The following ADGRV1 variants were observed in gnomAD, a reference collection of about 807,000 sequenced individuals.
The protein encoded by ADGRV1 is G-protein coupled receptor 98.
ADGRV1 carries 359 observed loss-of-function variants against 596.2 expected under a neutral mutation model. The ratio of observed to expected loss-of-function variants is 0.60; its 90% CI spans 0.55 to 0.66. The LOEUF is 0.66. ADGRV1 is among the 30% of genes least tolerant of loss of function. The pLI is 0.00. For missense variants in ADGRV1, 7,274 were observed against 7,575.6 expected, an observed-to-expected ratio of 0.96 and a Z score of 1.48; for synonymous variants, 2,681 against 2,679.2, an observed-to-expected ratio of 1.00 and a Z score of -0.02.
intron 1 of ADGRV1, among the ~76,000 whole-genome samples, chr5:90,598,081 C>T (rs952787288): frequency 1.3e-5 from 2 of 151,986 alleles, no homozygotes; most frequent in African/African-American, 2.4e-5. Context: ...GTGTGGAGGG[C>T]GTAGTTGGGA....
At chr5:90,807,848 A>G in intron 73 of ADGRV1, 111 bp downstream of exon 73, 1 of 1,006,108 alleles carries the variant, frequency 9.9e-7, no homozygotes. Flanking sequence ...AAACACAAAC[A>G]TAGTTTTAGT....
At chr5:90,853,024 C>G (rs1178116418) in intron 79 of ADGRV1, among the ~76,000 whole-genome samples, 1 of 152,084 alleles carries the variant, frequency 6.6e-6, no homozygotes, top group Non-Finnish European at 1.5e-5. Context: ...ATCTTGATAT[C>G]CATAAAACAG....
rs1458313406 is a variant in ADGRV1, at chr5:90,629,430, T to C, written c.1730T>C (p.Ile577Thr). The change falls in exon 9 of 90, where the codon ATA (isoleucine) becomes ACA (threonine). Residue 577 changes from isoleucine to threonine, a missense_variant. Physicochemically the swap from Ile to Thr is moderately conservative, Grantham distance 89 (BLOSUM62 -1). This residue lies in a region of ADGRV1 where 1,715 missense variants were observed against 1,708.8 expected (regional missense o/e 1.00). Coordinates refer to ENST00000405460, the MANE Select transcript of ADGRV1 (RefSeq NM_032119.4). ...PLQAKEGILNISRRNDLIFPE... is the reference protein window; with the variant it reads ...PLQAKEGILNTSRRNDLIFPE... ...CAAGCAAAAGAAGGCATCTTAAATA[T>C]ATCAAGGAGAAATGACCTCATTTTT... is the stretch of plus-strand genomic sequence containing the variant. 1.9e-6 allele frequency: 3 copies of C among 1,613,718 alleles called. No individual in the cohort carries two copies. The Admixed American group carries it at 5.0e-5, about 27-fold the overall frequency.
chr5:91,078,281 C>T lies in ADGRV1; in HGVS notation c.18310+5677C>T, dbSNP rs115964966. Among the ~76,000 whole-genome samples the T allele has an allele frequency of 3.9e-5, 6 of 152,050 alleles. No homozygotes were observed. In the East Asian group the frequency reaches 1.2e-3, roughly 29 times the overall value. On this transcript the variant is annotated intron_variant, in intron 86 of 89. Coordinates refer to ENST00000405460, the MANE Select transcript of ADGRV1 (RefSeq NM_032119.4). ...TCCCTTACATCCTAAAGTTGAGTGCCTTTTTTACTCTTGTCGTTTTTAAAA... is the reference window on the plus strand; with the variant it reads ...TCCCTTACATCCTAAAGTTGAGTGCTTTTTTTACTCTTGTCGTTTTTAAAA...
chr5:90,673,341 G>T (rs1772748806), intron 22 of ADGRV1, among the ~76,000 whole-genome samples: 1 of 152,072 alleles, frequency 6.6e-6, no homozygotes, highest in Non-Finnish European at 1.5e-5. Flanking sequence ...TCTACCTGTT[G>T]TTGGTAATAC....
chr5:90,564,533 TTTGA>T (rs1316405256), intron 1 of ADGRV1, among the ~76,000 whole-genome samples: 1 of 152,130 alleles, frequency 6.6e-6, no homozygotes, highest in Non-Finnish European at 1.5e-5. Context: ...AGTGCAGAGG[TTTGA>T]TTGTTTTTTA....
At chr5:91,030,935 C>T in intron 85 of ADGRV1, 1 of 805,750 alleles carries the variant, frequency 1.2e-6, no homozygotes, top group Non-Finnish European at 1.9e-6. Context: ...GATCAGAGTC[C>T]ATATAGTACT....
intron 83 of ADGRV1, among the ~76,000 whole-genome samples, chr5:90,952,918 A>C (rs892015043): frequency 3.3e-5 from 5 of 152,020 alleles, no homozygotes; most frequent in Admixed American, 1.3e-4. Context: ...TTTGTCACCT[A>C]TTTTGTCAGT....
At chr5:90,783,100 A>G (rs1296935321) in intron 65 of ADGRV1, 24 bp from the exon 66 acceptor site, 9 of 1,602,584 alleles carry the variant, frequency 5.6e-6, no homozygotes, top group African/African-American at 1.3e-5. Context: ...TGGCTTACCA[A>G]TTAATTCCAA....
intron 1 of ADGRV1, among the ~76,000 whole-genome samples, chr5:90,588,552 T>C (rs1376507857): frequency 6.6e-6 from 1 of 152,162 alleles, no homozygotes; most frequent in Non-Finnish European, 1.5e-5. Context: ...TGAGAAGTGA[T>C]ACGTCCCATG....
chr5:90,768,655 G>A (rs1757388076), intron 59 of ADGRV1, among the ~76,000 whole-genome samples: 1 of 152,080 alleles, frequency 6.6e-6, no homozygotes, highest in Admixed American at 6.6e-5. Flanking sequence ...GTCCTACCTT[G>A]GTAACAGGGC....
intron 82 of ADGRV1, among the ~76,000 whole-genome samples, chr5:90,862,358 A>ACT (rs1767683634): frequency 2.2e-4 from 1 of 4,634 alleles, no homozygotes; most frequent in Non-Finnish European, 7.9e-3. Flanking sequence ...TATATTACTC[A>ACT]CACACACACA....
Position 90,841,035 on chromosome 5 carries a change from T to A in ADGRV1, c.17019+50T>A, listed in dbSNP as rs767817696. 38 of 1,367,466 alleles carry A rather than the reference T, an allele frequency of 2.8e-5. No individual in the cohort carries two copies. In the African/African-American group the frequency reaches 4.9e-4, roughly 18 times the overall value. 84.7% of individuals were successfully genotyped at this position (1,367,466 alleles called of 1,614,324 possible). A position where few individuals can be genotyped will look rare whatever the true frequency, so the allele number is the denominator to read the frequency against. On this transcript the variant is annotated intron_variant, in intron 78 of 89. Coordinates refer to ENST00000405460, the MANE Select transcript of ADGRV1 (RefSeq NM_032119.4). The stretch of plus-strand genomic sequence containing the variant: ...TTTGTTTAGTGAAATTTTGTAAATT[T>A]AAAAACCCAAGTAAAACCAAAATCA...
chr5:90,824,801 C>T (rs551043875), intron 76 of ADGRV1, among the ~76,000 whole-genome samples: 2 of 152,160 alleles, frequency 1.3e-5, no homozygotes, highest in African/African-American at 2.4e-5. Flanking sequence ...TATGTCCTTT[C>T]ATTTAAAGTT....
rs566511004 is a variant in ADGRV1, at chr5:90,693,060, A to G, written c.7133+274A>G. On this transcript the variant is annotated intron_variant, in intron 32 of 89. Coordinates refer to ENST00000405460, the MANE Select transcript of ADGRV1 (RefSeq NM_032119.4). ...ATTGCTCTAATCTGTAATTTGTTACAATTAGTACTTAAATATAACTGGCTT... is the reference window on the plus strand; with the variant it reads ...ATTGCTCTAATCTGTAATTTGTTACGATTAGTACTTAAATATAACTGGCTT... Among the ~76,000 whole-genome samples, 7 of 152,288 alleles carry G rather than the reference A, an allele frequency of 4.6e-5. No homozygotes were observed. The South Asian group carries it at 1.0e-3, about 23-fold the overall frequency.
intron 83 of ADGRV1, among the ~76,000 whole-genome samples, chr5:90,926,879 A>T (rs2150772924): frequency 6.6e-6 from 1 of 151,928 alleles, no homozygotes; most frequent in South Asian, 2.1e-4. Context: ...TTCTTCCTTC[A>T]TTTCGTTATG....
chr5:90,935,061 A>G (rs1450634955), intron 83 of ADGRV1, among the ~76,000 whole-genome samples: 1 of 152,202 alleles, frequency 6.6e-6, no homozygotes, highest in African/African-American at 2.4e-5. Context: ...AATGACACAA[A>G]TGTTCAATCC....
intron 84 of ADGRV1, among the ~76,000 whole-genome samples, chr5:90,983,279 T>C (rs996792419): frequency 1.3e-5 from 2 of 152,210 alleles, no homozygotes; most frequent in Non-Finnish European, 2.9e-5. Context: ...CTCAGTCTTA[T>C]CTGAGCCTGT....
intron 1 of ADGRV1, among the ~76,000 whole-genome samples, chr5:90,585,454 T>C (rs1758630799): frequency 6.6e-6 from 1 of 152,124 alleles, no homozygotes; most frequent in African/African-American, 2.4e-5. Flanking sequence ...ACTGAGGGAA[T>C]TAAGGAGGCC....
Sources: gnomAD v4.1 joint callset for allele counts (sites outside exome capture counted in the v4.1 genomes callset) on GRCh38, gnomAD v4.1.1 for gene constraint, gnomAD v4.1.1 regional missense constraint, MANE v1.5 for transcripts, NCBI Gene and HGNC (gene_info 2026-07-23, HGNC 2026-07-21) for gene names.